MBOAT2: variants seen among roughly 807,000 people sequenced by gnomAD.
The protein encoded by MBOAT2 is membrane-bound glycerophospholipid O-acyltransferase 2.
In MBOAT2, 28 loss-of-function variants were observed where a neutral mutation model predicts 63.4. That is an observed-to-expected ratio of 0.44 (90% CI 0.33 to 0.61). MBOAT2 has a LOEUF of 0.61. MBOAT2 is among the 20% of genes least tolerant of loss of function. The probability of loss-of-function intolerance (pLI) is 0.03; values close to 1 mark genes in which losing one functional copy is unlikely to be tolerated. For missense variants in MBOAT2, 470 were observed against 605.8 expected (o/e 0.78, Z 2.35); for synonymous variants, 211 against 215.6 (o/e 0.98, Z 0.19).
intron 1 of MBOAT2, among the ~76,000 whole-genome samples, chr2:8,970,999 C>T (rs1421886494): frequency 1.3e-5 from 2 of 152,170 alleles, no homozygotes; most frequent in African/African-American, 2.4e-5. Flanking sequence ...AGAGGGAATC[C>T]TCCCTAACTC....
At chr2:8,878,186 T>C (rs1216117559) in intron 6 of MBOAT2, among the ~76,000 whole-genome samples, 2 of 152,152 alleles carry the variant, frequency 1.3e-5, no homozygotes, top group Non-Finnish European at 2.9e-5. Context: ...GGGAGTCAAG[T>C]CAATTCCACT....
chr2:8,945,568 A>T (rs1256124458), intron 2 of MBOAT2, among the ~76,000 whole-genome samples: 1 of 152,204 alleles, frequency 6.6e-6, no homozygotes, highest in Admixed American at 6.5e-5. Flanking sequence ...AACAAAGATC[A>T]TCTATCTAGT....
At chr2:8,957,848 G>A (rs1485917561) in intron 2 of MBOAT2, among the ~76,000 whole-genome samples, 1 of 152,114 alleles carries the variant, frequency 6.6e-6, no homozygotes, top group African/African-American at 2.4e-5. Context: ...GATTTCTTCA[G>A]CATGCACAGC....
At chr2:8,898,585 G>A (rs1664662142) in intron 4 of MBOAT2, among the ~76,000 whole-genome samples, 1 of 152,230 alleles carries the variant, frequency 6.6e-6, no homozygotes, top group Non-Finnish European at 1.5e-5. Flanking sequence ...TTCTGAACTG[G>A]TGGCCAAAAG....
rs952583243 is a variant in MBOAT2, at chr2:8,900,663, T to C, written c.395+7958A>G. Among the ~76,000 whole-genome samples the C allele has an allele frequency of 2.6e-5, 4 of 152,286 alleles. No individual in the cohort carries two copies. In the East Asian group the frequency reaches 7.7e-4, roughly 29 times the overall value. On this transcript the variant is annotated intron_variant, in intron 4 of 12. Transcript: ENST00000305997. ...TTATCATTAATAGAAAGGGGAGCTA[T>C]AGGGAGGCTAGGATATGGCGGTAAG... is the stretch of plus-strand genomic sequence containing the variant.
intron 3 of MBOAT2, among the ~76,000 whole-genome samples, chr2:8,941,148 T>C (rs1404415269): frequency 6.6e-6 from 1 of 152,112 alleles, no homozygotes; most frequent in Middle Eastern, 3.2e-3. Context: ...ATAAGCTGAA[T>C]AGAAGGGAGC....
chr2:8,885,925 C>T (rs1440139575), intron 5 of MBOAT2, among the ~76,000 whole-genome samples: 3 of 152,178 alleles, frequency 2.0e-5, no homozygotes. Context: ...TCTGAGAATG[C>T]TATCCTTAGA....
At chr2:8,931,476 T>G (rs1667315232) in intron 3 of MBOAT2, among the ~76,000 whole-genome samples, 3 of 152,134 alleles carry the variant, frequency 2.0e-5, no homozygotes, top group Non-Finnish European at 1.5e-5. Context: ...CCTTGTAGAT[T>G]CCGGATATTA....
At chr2:8,942,246 T>C (rs1668108820) in intron 3 of MBOAT2, among the ~76,000 whole-genome samples, 5 of 152,122 alleles carry the variant, frequency 3.3e-5, no homozygotes, top group Non-Finnish European at 1.5e-5. Context: ...GAATGAGACT[T>C]AGAAAAAAAC....
intron 3 of MBOAT2, among the ~76,000 whole-genome samples, chr2:8,927,268 T>TA (rs914407760): frequency 2.5e-4 from 38 of 152,310 alleles, no homozygotes; most frequent in African/African-American, 8.7e-4. Context: ...TGTTACTTCT[T>TA]AAACACTTTA....
intron 2 of MBOAT2, among the ~76,000 whole-genome samples, chr2:8,946,287 GA>G (rs1668408368): frequency 6.6e-6 from 1 of 152,130 alleles, no homozygotes; most frequent in African/African-American, 2.4e-5. Flanking sequence ...ACCCACACTG[GA>G]ATACAGGTTT....
At position 8,881,108 on chromosome 2, in the gene MBOAT2, T is replaced by C. The variant is rs9677526; in HGVS notation, c.506+1403A>G. 6.7e-3 allele frequency among the ~76,000 whole-genome samples: 1,018 copies of C among 152,256 alleles called. 9 individuals are homozygous for C. The highest frequency in any genetic ancestry group is 0.024 in the Middle Eastern group (7 of 294). On this transcript the variant is annotated intron_variant, in intron 6 of 12. Transcript: ENST00000305997. ...AACAGGCAGGAGTAACTGACGCAGC[T>C]AAATCCTTGAGAAGGAAGTGAACTC...
intron 4 of MBOAT2, 200 bp downstream of exon 4, chr2:8,908,421 C>G (rs1368639414): frequency 4.6e-6 from 2 of 431,146 alleles, no homozygotes; most frequent in African/African-American, 4.1e-5. Flanking sequence ...CAGGAAGAAG[C>G]AGAACAAGGC....
At chr2:8,986,688 T>C (rs2103351362) in intron 1 of MBOAT2, among the ~76,000 whole-genome samples, 1 of 152,288 alleles carries the variant, frequency 6.6e-6, no homozygotes, top group South Asian at 2.1e-4. Context: ...TGTGATGGCA[T>C]TTGGAGATGG....
chr2:8,998,378 T>C (rs1325171832), intron 1 of MBOAT2, among the ~76,000 whole-genome samples: 1 of 152,208 alleles, frequency 6.6e-6, no homozygotes, highest in Non-Finnish European at 1.5e-5. Flanking sequence ...AAATGGCAAG[T>C]TGAAAATAAA....
At chr2:8,950,223 G>T (rs529351493) in intron 2 of MBOAT2, among the ~76,000 whole-genome samples, 1 of 152,274 alleles carries the variant, frequency 6.6e-6, no homozygotes, top group Admixed American at 6.5e-5. Flanking sequence ...TTCTGGAGGA[G>T]TCTTTAGGGT....
At chr2:8,986,207 C>CAAAAAAAAAAAAAAAAAAA (rs749608343) in intron 1 of MBOAT2, among the ~76,000 whole-genome samples, 1 of 74,392 alleles carries the variant, frequency 1.3e-5, no homozygotes, top group African/African-American at 5.2e-5. Flanking sequence ...ACAAGGTCAC[C>CAAAAAAAAAAAAAAAAAAA]AAAAAAAAAA....
At chr2:8,909,384 C>G (rs921820804) in intron 3 of MBOAT2, among the ~76,000 whole-genome samples, 2 of 152,270 alleles carry the variant, frequency 1.3e-5, no homozygotes, top group East Asian at 1.9e-4. Flanking sequence ...AATTGGTTCA[C>G]AGTCTGGGTG....
chr2:8,946,110 C>CT (rs1372153273), intron 2 of MBOAT2, among the ~76,000 whole-genome samples: 1 of 152,212 alleles, frequency 6.6e-6, no homozygotes, highest in Non-Finnish European at 1.5e-5. Flanking sequence ...ATGAATGACT[C>CT]TGAGTAACTT....
Sources: allele counts gnomAD v4.1 joint callset (sites outside exome capture counted in the v4.1 genomes callset), GRCh38; gene constraint gnomAD v4.1.1; transcripts MANE v1.5; gene names NCBI Gene and HGNC (gene_info 2026-07-23, HGNC 2026-07-21).